Variants in ITPR2 observed in about 807,000 individuals in gnomAD.
The protein encoded by ITPR2 is inositol 1,4,5-trisphosphate-gated calcium channel ITPR2.
Under a neutral mutation model 317.1 loss-of-function variants are expected in ITPR2, and 207 were observed. That is an observed-to-expected ratio of 0.65 (90% confidence interval 0.58 to 0.73). ITPR2 has a LOEUF of 0.73. Ranked by LOEUF, ITPR2 falls within the 30% of genes least tolerant of loss-of-function variation. The pLI is 0.00. For missense variants in ITPR2, 2,613 were observed against 3,284.0 expected (o/e 0.80, Z 4.99); for synonymous variants, 1,156 against 1,149.1 (o/e 1.01, Z -0.12).
At chr12:26,690,455 C>G (rs1276426519) in intron 10 of ITPR2, among the ~76,000 whole-genome samples, 4 of 152,164 alleles carry the variant, frequency 2.6e-5, no homozygotes, top group Non-Finnish European at 5.9e-5. Flanking sequence ...CTAATTTAGC[C>G]TTTGATACAT....
chr12:26,653,683 A>C (rs1329226051), intron 21 of ITPR2, among the ~76,000 whole-genome samples: 1 of 152,218 alleles, frequency 6.6e-6, no homozygotes, highest in East Asian at 1.9e-4. Context: ...CACAAACATC[A>C]AGATGTTTTC....
intron 26 of ITPR2, among the ~76,000 whole-genome samples, chr12:26,604,623 A>C (rs1946080843): frequency 6.6e-6 from 1 of 152,254 alleles, no homozygotes; most frequent in Non-Finnish European, 1.5e-5. Flanking sequence ...GTAAAAGATC[A>C]AAACACTGAA....
In ITPR2 at chr12:26,340,218, G is replaced by T. The variant is rs772677036; in HGVS notation, c.7968C>A (p.Thr2656=). ...CCGACAGCTGTTTGACCAGACTCATGGTCGATTCCAACTTCTCCTGAAGGC... is the reference window on the plus strand; with the variant it reads ...CCGACAGCTGTTTGACCAGACTCATTGTCGATTCCAACTTCTCCTGAAGGC... ...IRSLQEKLES[T]MSLVKQLSGQ... The change falls in exon 56 of 57, where the codon ACC becomes ACA. Residue 2656 remains threonine (T), a synonymous_variant. Coordinates refer to ENST00000381340, the MANE Select transcript of ITPR2 (RefSeq NM_002223.4). 6 of 1,610,310 alleles carry T rather than the reference G, an allele frequency of 3.7e-6. No individual in the cohort carries two copies. Among genetic ancestry groups the T allele is most frequent in the Non-Finnish European group, 3.4e-6 (4 of 1,178,378 alleles).
chr12:26,598,668 ATGT>A (rs1400824598), intron 30 of ITPR2, among the ~76,000 whole-genome samples: 3 of 150,216 alleles, frequency 2.0e-5, no homozygotes, highest in East Asian at 1.9e-4. Context: ...AAGTTTCCAC[ATGT>A]TGTAAAAAAA....
At chr12:26,394,704 G>T (rs1192594292) in intron 54 of ITPR2, among the ~76,000 whole-genome samples, 1 of 152,108 alleles carries the variant, frequency 6.6e-6, no homozygotes, top group Admixed American at 6.6e-5. Flanking sequence ...GTAAGGAAAT[G>T]ATTAATTCAG....
chr12:26,362,703 G>A (rs536495130), intron 55 of ITPR2, among the ~76,000 whole-genome samples: 9 of 152,140 alleles, frequency 5.9e-5, no homozygotes, highest in Non-Finnish European at 1.0e-4. Context: ...CAAATCTGAC[G>A]TTCTTGGTCT....
In ITPR2 at chr12:26,338,997, A is replaced by G; in HGVS notation, c.*400T>C. On this transcript the variant is annotated 3_prime_UTR_variant, in exon 57 of 57. Transcript: ENST00000381340. ...TGTCACAAACCTATATGCCACAATTAAAAGAAAGAAATTCCAGCCAACCAT... is the reference window on the plus strand; with the variant it reads ...TGTCACAAACCTATATGCCACAATTGAAAGAAAGAAATTCCAGCCAACCAT... 1 of 158,382 alleles carries G rather than the reference A, an allele frequency of 6.3e-6. No individual in the cohort carries two copies. Among genetic ancestry groups the G allele is most frequent in the Non-Finnish European group, 1.4e-5 (1 of 72,110 alleles). The allele number at this position is 158,382 out of a possible 1,614,324, so 9.8% of individuals were successfully genotyped here. A position where few individuals can be genotyped will look rare whatever the true frequency, so the allele number is the denominator to read the frequency against.
intron 2 of ITPR2, among the ~76,000 whole-genome samples, chr12:26,787,072 A>G (rs1412209928): frequency 6.6e-6 from 1 of 152,234 alleles, no homozygotes; most frequent in Non-Finnish European, 1.5e-5. Context: ...CAAGAGCCGT[A>G]AAGACAAGCT....
intron 22 of ITPR2, among the ~76,000 whole-genome samples, chr12:26,628,593 G>A (rs1487224635): frequency 6.6e-6 from 1 of 152,182 alleles, no homozygotes; most frequent in Non-Finnish European, 1.5e-5. Flanking sequence ...ACCATGATCA[G>A]TCCTAAAGCC....
At chr12:26,521,602 A>G (rs1227272721) in intron 37 of ITPR2, among the ~76,000 whole-genome samples, 1 of 152,222 alleles carries the variant, frequency 6.6e-6, no homozygotes, top group East Asian at 1.9e-4. Context: ...ACTTTCCTTT[A>G]AAACAAATAT....
chr12:26,522,841 C>CGG (rs201907857), intron 37 of ITPR2, among the ~76,000 whole-genome samples: 3 of 151,510 alleles, frequency 2.0e-5, no homozygotes, highest in African/African-American at 7.3e-5. Flanking sequence ...GCTTCCACGG[C>CGG]GGGGGGGGAA....
At chr12:26,725,596 ATTATTGC>A in intron 3 of ITPR2, 47 bp downstream of exon 3, 1 of 1,172,214 alleles carries the variant, frequency 8.5e-7, no homozygotes, top group Middle Eastern at 1.9e-4. Flanking sequence ...ATACATTTTT[ATTATTGC>A]TGTACTTGGT....
chr12:26,686,604 T>C lies in ITPR2; in HGVS notation c.1025A>G (p.Lys342Arg), dbSNP rs991787994. 2.5e-6 allele frequency: 4 copies of C among 1,610,750 alleles called. No individual in the cohort carries two copies. The highest frequency in any genetic ancestry group is 3.4e-6 in the Non-Finnish European group (4 of 1,178,214). Residue 342 changes from lysine to arginine, a missense_variant, in exon 11 of 57, where the codon AAA (lysine) becomes AGA (arginine). By Grantham distance (26) the Lys-to-Arg change is conservative. Around this residue, in one of 9 missense-constraint regions of ITPR2, gnomAD observed 515 missense variants for 789.4 expected, o/e 0.65. Coordinates refer to ENST00000381340, the MANE Select transcript of ITPR2 (RefSeq NM_002223.4). ...GATCTTCTCCCCTGCCTGGCGTTTT[T>C]TCTTTGAAGTTGGAGGGACTCCATC... ...VRDGVPPTSK[K>R]KRQAGEKIMY...
intron 39 of ITPR2, among the ~76,000 whole-genome samples, chr12:26,491,630 T>C (rs1942808147): frequency 1.3e-5 from 2 of 151,746 alleles, no homozygotes; most frequent in African/African-American, 4.8e-5. Context: ...TAGTGAGAGC[T>C]GGAAAAGCAG....
At chr12:26,663,132 C>T (rs559471569) in intron 15 of ITPR2, among the ~76,000 whole-genome samples, 1 of 152,298 alleles carries the variant, frequency 6.6e-6, no homozygotes, top group Non-Finnish European at 1.5e-5. Context: ...CTTCATAGAT[C>T]TCTCTTCACA....
At chr12:26,706,522 C>T (rs958241458) in intron 9 of ITPR2, among the ~76,000 whole-genome samples, 3 of 152,162 alleles carry the variant, frequency 2.0e-5, no homozygotes, top group South Asian at 4.1e-4. Context: ...ACTGTCTGAA[C>T]GCCCTTTCTC....
intron 45 of ITPR2, among the ~76,000 whole-genome samples, chr12:26,466,648 A>G (rs1054934757): frequency 3.9e-5 from 6 of 152,262 alleles, no homozygotes; most frequent in South Asian, 2.1e-4. Context: ...TCTGGAGTTC[A>G]TAAGTCTCTG....
chr12:26,624,776 CAA>C (rs141428313), intron 23 of ITPR2, among the ~76,000 whole-genome samples: 1 of 138,214 alleles, frequency 7.2e-6, no homozygotes, highest in African/African-American at 2.6e-5. Context: ...CGAGGTTTCT[CAA>C]AAAAAAAAAA....
At chr12:26,340,557 CG>C (rs1938076664) in intron 55 of ITPR2, among the ~76,000 whole-genome samples, 1 of 152,038 alleles carries the variant, frequency 6.6e-6, no homozygotes, top group Non-Finnish European at 1.5e-5. Context: ...AGGGAGGTTC[CG>C]GCTGAGACAT....
Sources: gnomAD v4.1 joint callset for allele counts (sites outside exome capture counted in the v4.1 genomes callset) on GRCh38, gnomAD v4.1.1 for gene constraint, gnomAD v4.1.1 regional missense constraint, MANE v1.5 for transcripts, NCBI Gene and HGNC (gene_info 2026-07-23, HGNC 2026-07-21) for gene names.